Variants in AMY2B observed in about 807,000 individuals in gnomAD.
The protein encoded by AMY2B is alpha-amylase 2B.
In AMY2B, 63 loss-of-function variants were observed where a neutral mutation model predicts 59.3. That is an observed-to-expected ratio of 1.06 (90% confidence interval 0.87 to 1.31). The LOEUF is 1.31. AMY2B is among the 50% of genes most tolerant of loss of function. The pLI is 0.00. For missense variants in AMY2B, 635 were observed against 626.7 expected (o/e 1.01, Z -0.14); for synonymous variants, 180 against 198.1 (o/e 0.91, Z 0.77).
chr1:103,572,837 T>C (rs1254613079), intron 2 of AMY2B, among the ~76,000 whole-genome samples: 1 of 152,224 alleles, frequency 6.6e-6, no homozygotes, highest in East Asian at 1.9e-4. Context: ...TTTCTGGTTC[T>C]CTCAATTTAC....
upstream of AMY2B, among the ~76,000 whole-genome samples, chr1:103,567,336 C>G (rs10159229): frequency 0.67 from 102,403 of 151,964 alleles, 35,588 homozygotes; most frequent in African/African-American, 0.84. Context: ...GATTGGCTGG[C>G]GGAAGGACCA....
At chr1:103,570,899 A>T (rs1359892545), upstream of AMY2B, 1 of 361,510 alleles carries the variant, frequency 2.8e-6, no homozygotes, top group Admixed American at 3.6e-5. Flanking sequence ...GTATCTGTAC[A>T]TATCTTTGAT....
At chr1:103,556,276 T>G (rs1483169450) in intron 1 of AMY2B, among the ~76,000 whole-genome samples, 1 of 152,184 alleles carries the variant, frequency 6.6e-6, no homozygotes, top group Non-Finnish European at 1.5e-5. Flanking sequence ...ACTGAAAAAG[T>G]ACAGAATTCA....
upstream of AMY2B, chr1:103,569,974 C>T (rs1652056398): frequency 8.8e-6 from 4 of 456,900 alleles, no homozygotes; most frequent in South Asian, 7.4e-5. Flanking sequence ...CTAGGCTGTC[C>T]CTCTACACCT....
chr1:103,562,326 T>C (rs1050556300), intron 1 of AMY2B, among the ~76,000 whole-genome samples: 1 of 152,216 alleles, frequency 6.6e-6, no homozygotes, highest in Non-Finnish European at 1.5e-5. Context: ...TTAGGCAAAC[T>C]TGATTATCTG....
chr1:103,579,451 A>G lies in AMY2B; in HGVS notation c.1487A>G (p.Asn496Ser), dbSNP rs1652487969. Residue 496 changes from asparagine (N) to serine (S), a missense_variant, in exon 10 of 10, where the codon AAC (asparagine) becomes AGC (serine). Coordinates refer to ENST00000684275, the MANE Select transcript of AMY2B (RefSeq NM_001387437.1). Reference protein sequence around the residue: ...DDGKAHFSISNSAEDPFIAIH... With the variant: ...DDGKAHFSISSSAEDPFIAIH... ...GGCAAAGCTCATTTTTCTATTAGTA[A>G]CTCTGCTGAGGATCCATTTATTGCA... is the stretch of plus-strand genomic sequence containing the variant. The G allele has an allele frequency of 1.2e-6, 2 of 1,611,592 alleles. No homozygotes were observed. Among genetic ancestry groups the G allele is most frequent in the African/African-American group, 2.7e-5 (2 of 74,836 alleles).
chr1:103,567,060 A>C (rs1035122721), upstream of AMY2B, among the ~76,000 whole-genome samples: 2 of 152,220 alleles, frequency 1.3e-5, no homozygotes, highest in East Asian at 1.9e-4. Context: ...TAATATACTT[A>C]CAAAAGAAGT....
chr1:103,562,303 T>C (rs567576450), intron 1 of AMY2B, among the ~76,000 whole-genome samples: 2 of 152,360 alleles, frequency 1.3e-5, no homozygotes, highest in South Asian at 4.1e-4. Flanking sequence ...GTTTCTCTGA[T>C]TTCAGAGATC....
At chr1:103,577,248 G>A (rs1203594393) in intron 7 of AMY2B, 7 of 790,788 alleles carry the variant, frequency 8.9e-6, no homozygotes, top group Middle Eastern at 3.9e-4. Flanking sequence ...CAGTTCCTTG[G>A]AATGAAAAGG....
At chr1:103,578,592 A>G (rs1652453834) in intron 9 of AMY2B, among the ~76,000 whole-genome samples, 1 of 152,176 alleles carries the variant, frequency 6.6e-6, no homozygotes, top group South Asian at 2.1e-4. Flanking sequence ...AAATAAATAA[A>G]TACATAAATA....
intron 2 of AMY2B, 32 bp from the exon 3 acceptor site, chr1:103,573,031 A>C: frequency 1.9e-6 from 3 of 1,612,592 alleles, no homozygotes; most frequent in Non-Finnish European, 2.5e-6. Flanking sequence ...CCTCTCTGTA[A>C]GTCACACTGA....
At chr1:103,567,212 T>TGGATG (rs1651939074), upstream of AMY2B, among the ~76,000 whole-genome samples, 1 of 152,104 alleles carries the variant, frequency 6.6e-6, no homozygotes, top group Non-Finnish European at 1.5e-5. Flanking sequence ...CCACACTAAG[T>TGGATG]TGGATGTGGA....
At chr1:103,562,672 C>CTTT (rs373215753) in intron 1 of AMY2B, among the ~76,000 whole-genome samples, 47 of 112,076 alleles carry the variant, frequency 4.2e-4, no homozygotes, top group Admixed American at 7.2e-4. Context: ...GATAACTTGT[C>CTTT]TTTTTTTTTT....
At chr1:103,556,781 T>G (rs1651565508) in intron 1 of AMY2B, among the ~76,000 whole-genome samples, 1 of 152,120 alleles carries the variant, frequency 6.6e-6, no homozygotes. Context: ...TTTTGAAATC[T>G]CAACAAGAAC....
exon 1 of AMY2B, chr1:103,554,717 A>C (rs1651490683): frequency 6.6e-6 from 1 of 152,574 alleles, no homozygotes; most frequent in Non-Finnish European, 1.5e-5. Context: ...AAAGGGTTGG[A>C]GCCTCTGTGT....
intron 2 of AMY2B, 47 bp downstream of exon 2, chr1:103,572,303 T>C: frequency 5.6e-6 from 9 of 1,597,510 alleles, no homozygotes; most frequent in Non-Finnish European, 7.7e-6. Flanking sequence ...AGGAAAATGA[T>C]TTCTCTCTCT....
intron 1 of AMY2B, among the ~76,000 whole-genome samples, chr1:103,564,665 A>G (rs964489730): frequency 6.6e-6 from 1 of 152,054 alleles, no homozygotes; most frequent in African/African-American, 2.4e-5. Flanking sequence ...TGCCCTCTGT[A>G]TAGTAGTTGC....
intron 9 of AMY2B, 84 bp downstream of exon 9, chr1:103,577,929 A>C: frequency 6.3e-7 from 1 of 1,576,400 alleles, no homozygotes; most frequent in Non-Finnish European, 8.5e-7. Flanking sequence ...GACATTTATC[A>C]TATCTGAAAA....
At chr1:103,574,791 CAA>C (rs1375745066) in intron 5 of AMY2B, among the ~76,000 whole-genome samples, 1 of 151,216 alleles carries the variant, frequency 6.6e-6, no homozygotes, top group Non-Finnish European at 1.5e-5. Context: ...TATATTATAA[CAA>C]TACAGTATTG....
Sources: gnomAD v4.1 joint callset for allele counts (sites outside exome capture counted in the v4.1 genomes callset) on GRCh38, gnomAD v4.1.1 for gene constraint, MANE v1.5 for transcripts, NCBI Gene and HGNC (gene_info 2026-07-23, HGNC 2026-07-21) for gene names.